RIMS1: variants seen among roughly 807,000 people sequenced by gnomAD.
RIMS1 encodes the protein regulating synaptic membrane exocytosis protein 1.
In RIMS1, 83 loss-of-function variants were observed where a neutral mutation model predicts 214.1. The ratio of observed to expected loss-of-function variants is 0.39; its 90% CI spans 0.32 to 0.47. The LOEUF (loss-of-function observed/expected upper bound fraction) is 0.47. Ranked by LOEUF, RIMS1 falls within the 20% of genes least tolerant of loss-of-function variation. RIMS1 has a pLI of 0.99. For missense variants in RIMS1, 2,050 were observed against 2,161.8 expected (o/e 0.95, Z 1.03); for synonymous variants, 793 against 786.8 (o/e 1.01, Z -0.13).
intron 4 of RIMS1, among the ~76,000 whole-genome samples, chr6:72,154,200 T>C (rs995303200): frequency 3.1e-5 from 3 of 96,284 alleles, no homozygotes; most frequent in Non-Finnish European, 8.2e-5. Flanking sequence ...GAAAAAGTTA[T>C]GTGTTTTACA....
At chr6:71,900,418 T>C (rs904732764) in intron 1 of RIMS1, among the ~76,000 whole-genome samples, 1 of 152,120 alleles carries the variant, frequency 6.6e-6, no homozygotes, top group Non-Finnish European at 1.5e-5. Context: ...TGAAGAGAGA[T>C]ATGATATAAT....
chr6:72,220,377 TA>T (rs549551322), intron 6 of RIMS1, among the ~76,000 whole-genome samples: 1 of 152,076 alleles, frequency 6.6e-6, no homozygotes, highest in Non-Finnish European at 1.5e-5. Context: ...ACTTGCAATT[TA>T]AAAGAGTGTG....
chr6:72,170,512 T>C (rs549566907), intron 4 of RIMS1, among the ~76,000 whole-genome samples: 8 of 152,038 alleles, frequency 5.3e-5, no homozygotes, highest in African/African-American at 1.4e-4. Context: ...CCTGGCTAAT[T>C]TTTTGTATTT....
chr6:72,250,908 A>G lies in RIMS1; in HGVS notation c.2373-13A>G, dbSNP rs2073024231. The G allele has an allele frequency of 6.9e-7, 1 of 1,440,900 alleles. No individual in the cohort carries two copies. The highest frequency in any genetic ancestry group is 2.5e-5 in the Admixed American group (1 of 39,860). 89.3% of individuals were successfully genotyped at this position (1,440,900 alleles called of 1,614,324 possible). ...ACTTGCTTTTTCATTTACAAAACAT[A>G]CTTATTTTTCAGTGATAAAAGTAAA... On this transcript the variant is annotated splice_polypyrimidine_tract_variant and intron_variant, in intron 13 of 33. Coordinates refer to ENST00000521978, the MANE Select transcript of RIMS1 (RefSeq NM_014989.7).
In RIMS1 at chr6:72,120,567, G is replaced by A. The variant is rs980700541; in HGVS notation, c.471+20581G>A. The stretch of plus-strand genomic sequence containing the variant: ...TCTGGATATAGCCCTTTGGCAGATG[G>A]GTAGATTGCAAAAATTTTCTCCCAT... On this transcript the variant is annotated intron_variant, in intron 4 of 33. Coordinates refer to ENST00000521978, the MANE Select transcript of RIMS1 (RefSeq NM_014989.7). Among the ~76,000 whole-genome samples the A allele has an allele frequency of 4.6e-5, 7 of 151,966 alleles. No individual in the cohort carries two copies. In the South Asian group the frequency reaches 8.3e-4, roughly 18 times the overall value.
Position 72,159,191 on chromosome 6 carries a change from GTCT to G in RIMS1, c.472-20379_472-20377del, listed in dbSNP as rs1288428582. ...TCATGTGTCTTTTGGCTGCATAAAT[GTCT>G]TCTTTTGAGAAGTGTCTGTTCATAT... On this transcript the variant is annotated intron_variant, in intron 4 of 33. Coordinates refer to ENST00000521978, the MANE Select transcript of RIMS1 (RefSeq NM_014989.7). 2.1e-5 allele frequency among the ~76,000 whole-genome samples: 3 copies of G among 141,360 alleles called. No individual in the cohort carries two copies. In the East Asian group the frequency reaches 6.0e-4, roughly 28 times the overall value. 92.7% of individuals were successfully genotyped at this position (141,360 alleles called of 152,430 possible).
intron 1 of RIMS1, among the ~76,000 whole-genome samples, chr6:71,905,784 A>T (rs1775085127): frequency 6.6e-6 from 1 of 151,840 alleles, no homozygotes; most frequent in Admixed American, 6.6e-5. Context: ...CAAGAAGGCA[A>T]CAGGGCAGGC....
intron 29 of RIMS1, among the ~76,000 whole-genome samples, chr6:72,354,703 G>T (rs941173266): frequency 5.9e-5 from 9 of 152,074 alleles, no homozygotes; most frequent in Non-Finnish European, 1.3e-4. Flanking sequence ...ATTCTGATGG[G>T]TATATTCAGT....
intron 28 of RIMS1, among the ~76,000 whole-genome samples, chr6:72,323,543 G>A (rs1405467308): frequency 1.3e-5 from 2 of 151,870 alleles, no homozygotes; most frequent in Non-Finnish European, 2.9e-5. Context: ...AGGAGTTGAT[G>A]TACAGAGAGA....
chr6:72,208,803 A>T (rs1429424306), intron 6 of RIMS1, among the ~76,000 whole-genome samples: 2 of 152,154 alleles, frequency 1.3e-5, no homozygotes, highest in Non-Finnish European at 2.9e-5. Context: ...CTCTCCAAAT[A>T]TCTTAAAAAT....
chr6:72,213,109 C>A, intron 6 of RIMS1: 1 of 1,536,732 alleles, frequency 6.5e-7, no homozygotes, highest in African/African-American at 1.4e-5. Flanking sequence ...GGATTTATTT[C>A]CAAGTTTGCT....
At chr6:72,007,541 G>A (rs533040324) in intron 2 of RIMS1, among the ~76,000 whole-genome samples, 1 of 152,328 alleles carries the variant, frequency 6.6e-6, no homozygotes, top group Non-Finnish European at 1.5e-5. Flanking sequence ...AAAGGAGGAA[G>A]TTTGAACCCA....
chr6:72,142,680 G>T (rs927560542), intron 4 of RIMS1, among the ~76,000 whole-genome samples: 1 of 152,028 alleles, frequency 6.6e-6, no homozygotes, highest in Non-Finnish European at 1.5e-5. Flanking sequence ...AATGACAGTT[G>T]TTTCTGCTTT....
chr6:71,986,868 A>C (rs181773194), intron 2 of RIMS1, among the ~76,000 whole-genome samples: 2 of 152,358 alleles, frequency 1.3e-5, no homozygotes, highest in East Asian at 3.9e-4. Flanking sequence ...AAAATGTCCA[A>C]TAGGGAATCA....
intron 2 of RIMS1, among the ~76,000 whole-genome samples, chr6:72,005,142 G>T (rs1334019360): frequency 1.3e-5 from 2 of 152,076 alleles, no homozygotes; most frequent in East Asian, 1.9e-4. Context: ...TTTCCCCATT[G>T]CTTGTTTTTC....
At chr6:72,217,235 C>T in intron 6 of RIMS1, 3 of 1,535,474 alleles carry the variant, frequency 2.0e-6, no homozygotes, top group Non-Finnish European at 2.6e-6. Flanking sequence ...ACATTGCACT[C>T]AGGAACAGGT....
intron 6 of RIMS1, among the ~76,000 whole-genome samples, chr6:72,225,093 A>G (rs1366394810): frequency 6.6e-6 from 1 of 151,342 alleles, no homozygotes; most frequent in Non-Finnish European, 1.5e-5. Context: ...AAATAAAAAC[A>G]AAGACAAACA....
chr6:71,923,030 A>G (rs1582714558), intron 1 of RIMS1, among the ~76,000 whole-genome samples: 1 of 152,194 alleles, frequency 6.6e-6, no homozygotes, highest in East Asian at 1.9e-4. Context: ...AACTTGTGAG[A>G]TAAGTGAAAT....
intron 28 of RIMS1, among the ~76,000 whole-genome samples, chr6:72,328,122 A>G (rs113737033): frequency 0.018 from 2,701 of 152,086 alleles, 86 homozygotes; most frequent in African/African-American, 0.063. Context: ...AATACTATGC[A>G]GCCATAAAAG....
Sources: allele counts gnomAD v4.1 joint callset (sites outside exome capture counted in the v4.1 genomes callset), GRCh38; gene constraint gnomAD v4.1.1; transcripts MANE v1.5; gene names NCBI Gene and HGNC (gene_info 2026-07-23, HGNC 2026-07-21).